Variants in EML6 observed in about 807,000 individuals in gnomAD.
EML6 encodes the protein EMAP like 6.
In EML6, 154 loss-of-function variants were observed where a neutral mutation model predicts 240.1. The observed-to-expected ratio is 0.64, with a 90% CI of 0.56 to 0.73. The LOEUF (loss-of-function observed/expected upper bound fraction) is 0.73. EML6 is among the 30% of genes least tolerant of loss of function. The pLI, the probability that EML6 is intolerant of heterozygous loss-of-function variation, is 0.00. For synonymous variants in EML6, 1,148 were observed against 899.0 expected (o/e 1.28, Z -4.95); for missense variants, 2,964 against 2,474.6 (o/e 1.20, Z -4.20).
chr2:54,907,100 GC>G (rs1332496232), intron 24 of EML6, among the ~76,000 whole-genome samples: 4 of 152,166 alleles, frequency 2.6e-5, no homozygotes, highest in Non-Finnish European at 5.9e-5. Flanking sequence ...GAAAGCTCCA[GC>G]ATGGAATGCT....
chr2:54,826,283 A>G (rs1668588640), intron 5 of EML6, among the ~76,000 whole-genome samples: 1 of 152,168 alleles, frequency 6.6e-6, no homozygotes, highest in Admixed American at 6.5e-5. Context: ...AATAGCCCTT[A>G]TAACCTGAGG....
At chr2:54,796,833 G>T (rs1387533811) in intron 2 of EML6, among the ~76,000 whole-genome samples, 1 of 152,048 alleles carries the variant, frequency 6.6e-6, no homozygotes, top group East Asian at 1.9e-4. Context: ...TTAAGTGCAG[G>T]AGTAAATGAT....
chr2:54,936,170 T>C (rs530918996), intron 28 of EML6, among the ~76,000 whole-genome samples: 76 of 152,366 alleles, frequency 5.0e-4, no homozygotes, highest in South Asian at 4.1e-4. Flanking sequence ...TTTGTTCTTA[T>C]CAAATTATCA....
At chr2:54,857,971 T>A (rs948307064) in intron 11 of EML6, among the ~76,000 whole-genome samples, 1 of 152,258 alleles carries the variant, frequency 6.6e-6, no homozygotes, top group Non-Finnish European at 1.5e-5. Context: ...TATTGCTGCA[T>A]AACAAATTAT....
chr2:54,964,010 G>T lies in EML6; in HGVS notation c.5182G>T (p.Gly1728Cys). The T allele has an allele frequency of 6.4e-7, 1 of 1,551,368 alleles. No homozygotes were observed. Among genetic ancestry groups the T allele is most frequent in the Non-Finnish European group, 8.7e-7 (1 of 1,146,888 alleles). ...GAAGCTGTTAAACAAGGTGAGCTTG[G>T]GCCATGCGGCCAGGTGTGCAGCCTA... ...DKKLLNKVSL[G>C]HAARCAAYSP... is the part of the protein sequence containing the mutation. The change falls in exon 37 of 42, where the codon GGC becomes TGC. Residue 1728 changes from glycine (G) to cysteine (C), a missense_variant. Physicochemically the swap from Gly to Cys is radical, Grantham distance 159 (BLOSUM62 -3). Transcript: ENST00000356458.
chr2:54,896,675 C>T (rs904750636), intron 21 of EML6, among the ~76,000 whole-genome samples: 1 of 152,178 alleles, frequency 6.6e-6, no homozygotes, highest in African/African-American at 2.4e-5. Flanking sequence ...GCAGGAGCTT[C>T]CCCTCCTTGC....
At chr2:54,785,930 TATAA>T (rs1669062560) in intron 2 of EML6, among the ~76,000 whole-genome samples, 2 of 151,590 alleles carry the variant, frequency 1.3e-5, no homozygotes. Context: ...CAACTGTATA[TATAA>T]ATATATATAT....
At chr2:54,892,745 C>A in intron 19 of EML6, 89 bp downstream of exon 19, 1 of 928,334 alleles carries the variant, frequency 1.1e-6, no homozygotes, top group Admixed American at 2.6e-5. Context: ...ATGCCTGTAT[C>A]TAAAACAGGC....
At chr2:54,795,048 G>A (rs147721940) in intron 2 of EML6, among the ~76,000 whole-genome samples, 3 of 152,158 alleles carry the variant, frequency 2.0e-5, no homozygotes, top group East Asian at 1.9e-4. Context: ...CTATTTATTC[G>A]TGTTTTTTTG....
rs1210671940 is a variant in EML6 at position 54,924,781 on chromosome 2, T to C, written c.3676-3532T>C. ...TTTCGCCGTGTTGGCCAGACTGGTC[T>C]CGAACTCCTGACCTCAGGTGATCCA... On this transcript the variant is annotated intron_variant, in intron 26 of 41. Coordinates refer to ENST00000356458, the MANE Select transcript of EML6 (RefSeq NM_001039753.4). Among the ~76,000 whole-genome samples the C allele has an allele frequency of 3.3e-5, 5 of 152,202 alleles. No individual in the cohort carries two copies. The East Asian group carries it at 9.6e-4, about 29-fold the overall frequency.
chr2:54,757,597 G>A (rs928035147), intron 2 of EML6, among the ~76,000 whole-genome samples: 1 of 152,154 alleles, frequency 6.6e-6, no homozygotes, highest in African/African-American at 2.4e-5. Flanking sequence ...CAGCTGGGCA[G>A]CCCCAGAGAG....
intron 17 of EML6, chr2:54,880,699 C>T (rs1034296762): frequency 6.6e-6 from 1 of 152,230 alleles, no homozygotes; most frequent in African/African-American, 2.4e-5. Context: ...GTATTCCTCA[C>T]TGTCATTCCA....
intron 16 of EML6, among the ~76,000 whole-genome samples, chr2:54,871,945 T>C (rs1671280828): frequency 6.6e-6 from 1 of 152,218 alleles, no homozygotes; most frequent in Non-Finnish European, 1.5e-5. Context: ...GCTGTTGACT[T>C]AGTCGCAAAT....
chr2:54,964,450 G>A, intron 37 of EML6, 121 bp from the exon 38 acceptor site: 1 of 891,006 alleles, frequency 1.1e-6, no homozygotes, highest in Non-Finnish European at 1.7e-6. Flanking sequence ...GACCACATGT[G>A]AGTCACAAGG....
At chr2:54,900,620 G>A (rs1301522625) in intron 22 of EML6, among the ~76,000 whole-genome samples, 2 of 152,184 alleles carry the variant, frequency 1.3e-5, no homozygotes, top group East Asian at 3.9e-4. Flanking sequence ...AGCATGCAGT[G>A]ACCCTGCGGG....
intron 17 of EML6, among the ~76,000 whole-genome samples, chr2:54,888,112 C>T (rs75448165): frequency 0.022 from 3,312 of 152,256 alleles, 110 homozygotes; most frequent in African/African-American, 0.071. Context: ...TGCAGTTTGA[C>T]GGGCAAGGAG....
At chr2:54,803,644 G>T (rs961521959) in intron 2 of EML6, among the ~76,000 whole-genome samples, 2 of 152,194 alleles carry the variant, frequency 1.3e-5, no homozygotes, top group Non-Finnish European at 2.9e-5. Flanking sequence ...AACTCTGCAT[G>T]ATTAAGGTAT....
chr2:54,949,453 T>G (rs1675862122), intron 29 of EML6, among the ~76,000 whole-genome samples: 1 of 152,160 alleles, frequency 6.6e-6, no homozygotes, highest in South Asian at 2.1e-4. Context: ...ACGCTGTGGC[T>G]GAGGGGAGTT....
chr2:54,905,196 C>A lies in EML6; in HGVS notation c.3409+1694C>A, dbSNP rs549787624. Among the ~76,000 whole-genome samples the A allele has an allele frequency of 8.5e-5, 13 of 152,176 alleles. 1 individual carries two copies. In the South Asian group the frequency reaches 2.5e-3, roughly 29 times the overall value. Reference sequence around the variant, plus strand: ...GAACTGGTGAGGCCGATGAAAGCAGCTGCTTCTCAGACCCTTCTTTGATAT... The same window carrying A: ...GAACTGGTGAGGCCGATGAAAGCAGATGCTTCTCAGACCCTTCTTTGATAT... On this transcript the variant is annotated intron_variant, in intron 24 of 41. Transcript: ENST00000356458.
Sources: allele counts gnomAD v4.1 joint callset (sites outside exome capture counted in the v4.1 genomes callset), GRCh38; gene constraint gnomAD v4.1.1; transcripts MANE v1.5; gene names NCBI Gene and HGNC (gene_info 2026-07-23, HGNC 2026-07-21).